The following DHX35 variants were observed in gnomAD, a reference collection of about 807,000 sequenced individuals.
DHX35 encodes DEAH-box helicase 35, also known as probable ATP-dependent RNA helicase DHX35.
A neutral mutation model predicts 99.6 loss-of-function variants in DHX35; 84 were observed. The observed-to-expected ratio is 0.84, with a 90% confidence interval of 0.71 to 1.01. The LOEUF is 1.01. Ranked by LOEUF, DHX35 falls within the 50% of genes least tolerant of loss-of-function variation. DHX35 has a pLI of 0.00. For missense variants in DHX35, 852 were observed against 888.5 expected, an observed-to-expected ratio of 0.96 and a Z score of 0.52; for synonymous variants, 331 against 316.2, an observed-to-expected ratio of 1.05 and a Z score of -0.50.
At position 38,972,620 on chromosome 20, in the gene DHX35, CAG is replaced by C; in HGVS notation, c.237_238del (p.Gly80MetfsTer19). 13 of 1,612,602 alleles carry C rather than the reference CAG, an allele frequency of 8.1e-6. No individual in the cohort carries two copies. Among genetic ancestry groups the C allele is most frequent in the African/African-American group, 1.3e-5 (1 of 75,000 alleles). On this transcript the variant is annotated frameshift_variant, in exon 3 of 22. Coordinates refer to ENST00000252011, the MANE Select transcript of DHX35 (RefSeq NM_021931.4). LOFTEE classifies it high-confidence loss of function. The stretch of plus-strand genomic sequence containing the variant: ...CAGACAGTGGTGATTGTTGGTGAAA[CAG>C]GATGTGGGAAGAGCACACAGATTCC...
intron 11 of DHX35, among the ~76,000 whole-genome samples, chr20:39,004,831 A>G (rs2086586610): frequency 6.6e-6 from 1 of 152,212 alleles, no homozygotes; most frequent in Admixed American, 6.5e-5. Context: ...AGAGCAGGTG[A>G]GGGATGGTCT....
At chr20:38,982,138 C>T (rs1421171040) in intron 3 of DHX35, among the ~76,000 whole-genome samples, 1 of 151,932 alleles carries the variant, frequency 6.6e-6, no homozygotes, top group African/African-American at 2.4e-5. Context: ...TATGCAAATG[C>T]TTCTGATTCC....
intron 13 of DHX35, among the ~76,000 whole-genome samples, chr20:39,014,398 A>G (rs1486113227): frequency 6.6e-6 from 1 of 152,196 alleles, no homozygotes; most frequent in Non-Finnish European, 1.5e-5. Flanking sequence ...TAGTTTCCAG[A>G]CAGGGATTAA....
chr20:39,006,924 A>G (rs775126546), intron 12 of DHX35, among the ~76,000 whole-genome samples: 59 of 152,234 alleles, frequency 3.9e-4, no homozygotes, highest in Non-Finnish European at 4.6e-4. Flanking sequence ...GGAGCTTTCT[A>G]TCCAGCTTGA....
intron 20 of DHX35, among the ~76,000 whole-genome samples, chr20:39,033,950 G>C (rs1157357644): frequency 6.6e-6 from 1 of 152,218 alleles, no homozygotes; most frequent in African/African-American, 2.4e-5. Flanking sequence ...GAAGGATCCA[G>C]AAAGGTCCTT....
At position 38,983,782 on chromosome 20, in the gene DHX35, T is replaced by G; in HGVS notation, c.345+6T>G. ...GAAGAGTGGCTGCTGTTACAGTGAG[T>G]TTCTTTTTGTGTTGGAAAGATTCTA... is the stretch of plus-strand genomic sequence containing the variant. On this transcript the variant is annotated splice_donor_region_variant and intron_variant, in intron 4 of 21. Transcript: ENST00000252011. 6.2e-7 allele frequency: 1 copy of G among 1,611,602 alleles called. No homozygotes were observed. Among genetic ancestry groups the G allele is most frequent in the Non-Finnish European group, 8.5e-7 (1 of 1,178,284 alleles).
intron 19 of DHX35, among the ~76,000 whole-genome samples, chr20:39,028,991 A>G (rs2087001631): frequency 6.6e-6 from 1 of 152,000 alleles, no homozygotes; most frequent in African/African-American, 2.4e-5. Context: ...TTCCAGTTCC[A>G]TTTTCTAGGC....
chr20:38,978,504 G>A (rs1601375429), intron 3 of DHX35: 3 of 419,792 alleles, frequency 7.1e-6, no homozygotes, highest in Admixed American at 3.8e-5. Flanking sequence ...TGTGCAGGGC[G>A]GAATCACACC....
intron 15 of DHX35, among the ~76,000 whole-genome samples, chr20:39,019,830 G>A (rs968456465): frequency 1.3e-5 from 2 of 152,098 alleles, no homozygotes; most frequent in Admixed American, 6.6e-5. Flanking sequence ...TATTCCTCCA[G>A]TCTAACTGAA....
chr20:39,036,552 C>A (rs2087153857), intron 21 of DHX35, among the ~76,000 whole-genome samples: 1 of 151,518 alleles, frequency 6.6e-6, no homozygotes, highest in African/African-American at 2.4e-5. Context: ...ATGGTGAAAC[C>A]CCGTCTCTAC....
At chr20:39,000,790 G>T (rs1343851608) in intron 8 of DHX35, among the ~76,000 whole-genome samples, 1 of 152,102 alleles carries the variant, frequency 6.6e-6, no homozygotes, top group Non-Finnish European at 1.5e-5. Context: ...ATGAGTAGAG[G>T]TGGGGAATGG....
intron 16 of DHX35, 62 bp downstream of exon 16, chr20:39,021,997 C>A: frequency 6.6e-7 from 1 of 1,511,438 alleles, no homozygotes; most frequent in South Asian, 1.1e-5. Flanking sequence ...CTTTCGTTGT[C>A]AAAACTGTAC....
intron 14 of DHX35, among the ~76,000 whole-genome samples, chr20:39,017,320 A>G (rs897157646): frequency 6.6e-6 from 1 of 152,050 alleles, no homozygotes; most frequent in African/African-American, 2.4e-5. Flanking sequence ...GGATTTACAT[A>G]AGATCAGCCT....
At chr20:38,995,976 C>T (rs1436634605) in intron 8 of DHX35, among the ~76,000 whole-genome samples, 2 of 152,180 alleles carry the variant, frequency 1.3e-5, no homozygotes, top group Non-Finnish European at 2.9e-5. Context: ...TATCTTCTTC[C>T]ACTTTCTCCA....
At chr20:38,983,669 A>G in intron 3 of DHX35, 30 bp from the exon 4 acceptor site, 2 of 1,600,662 alleles carry the variant, frequency 1.2e-6, no homozygotes, top group Non-Finnish European at 1.7e-6. Context: ...GTGGTATCAT[A>G]TGTATACTTA....
chr20:39,025,764 A>G (rs1288054993), intron 18 of DHX35, among the ~76,000 whole-genome samples: 2 of 152,226 alleles, frequency 1.3e-5, no homozygotes, highest in African/African-American at 2.4e-5. Context: ...CAAGTGCTGG[A>G]TATTTAGCCT....
chr20:38,974,848 AG>A (rs1274477611), intron 3 of DHX35, among the ~76,000 whole-genome samples: 1 of 152,200 alleles, frequency 6.6e-6, no homozygotes, highest in African/African-American at 2.4e-5. Flanking sequence ...AGACAGAGTG[AG>A]GTTTCTGGAG....
intron 3 of DHX35, among the ~76,000 whole-genome samples, chr20:38,981,992 C>T (rs2086181912): frequency 6.6e-6 from 1 of 150,426 alleles, no homozygotes; most frequent in Non-Finnish European, 1.5e-5. Flanking sequence ...CTAGAGTGCT[C>T]ATTGCTACGA....
At chr20:39,017,124 G>A (rs1203780249) in intron 14 of DHX35, among the ~76,000 whole-genome samples, 2 of 152,068 alleles carry the variant, frequency 1.3e-5, no homozygotes, top group African/African-American at 4.8e-5. Context: ...CTAACTTGTA[G>A]TCATTAAGAT....
Sources: allele counts gnomAD v4.1 joint callset (sites outside exome capture counted in the v4.1 genomes callset), GRCh38; gene constraint gnomAD v4.1.1; transcripts MANE v1.5; gene names NCBI Gene and HGNC (gene_info 2026-07-23, HGNC 2026-07-21).